The following DSTN variants were observed in gnomAD, a reference collection of about 807,000 sequenced individuals.
The protein encoded by DSTN is destrin, actin depolymerizing factor.
Under a neutral mutation model 16.8 loss-of-function variants are expected in DSTN, and 10 were observed. The observed-to-expected ratio is 0.60, with a 90% confidence interval of 0.37 to 1.01. DSTN has a LOEUF of 1.01. Ranked by LOEUF, DSTN falls within the 50% of genes least tolerant of loss-of-function variation. The probability of loss-of-function intolerance (pLI) is 0.01; values close to 1 mark genes in which losing one functional copy is unlikely to be tolerated. For synonymous variants in DSTN, 57 were observed against 58.9 expected, an observed-to-expected ratio of 0.97 and a Z score of 0.14; for missense variants, 141 against 196.7, an observed-to-expected ratio of 0.72 and a Z score of 1.69.
At chr20:17,580,016 T>C (rs2122169015) in intron 1 of DSTN, among the ~76,000 whole-genome samples, 1 of 152,374 alleles carries the variant, frequency 6.6e-6, no homozygotes, top group African/African-American at 2.4e-5. Context: ...CTTTATATTC[T>C]GATGACACCA....
intron 1 of DSTN, among the ~76,000 whole-genome samples, chr20:17,589,189 A>G (rs2035444025): frequency 6.6e-6 from 1 of 151,040 alleles, no homozygotes; most frequent in South Asian, 2.1e-4. Flanking sequence ...GGAGATGTAT[A>G]TATTCAACCC....
chr20:17,606,065 A>G (rs2035639622), intron 3 of DSTN, among the ~76,000 whole-genome samples: 1 of 151,982 alleles, frequency 6.6e-6, no homozygotes, highest in South Asian at 2.1e-4. Flanking sequence ...CTGAGATCGC[A>G]CCATTGCACT....
chr20:17,582,451 C>T (rs376709268), intron 1 of DSTN, among the ~76,000 whole-genome samples: 1 of 152,044 alleles, frequency 6.6e-6, no homozygotes, highest in East Asian at 1.9e-4. Context: ...AGATTTTATA[C>T]GTATTATGAT....
Position 17,600,271 on chromosome 20 carries a change from A to G in DSTN, c.4-467A>G, listed in dbSNP as rs138920911. 1.2e-3 allele frequency among the ~76,000 whole-genome samples: 184 copies of G among 152,326 alleles called. 1 individual carries two copies. The highest frequency in any genetic ancestry group is 4.2e-3 in the African/African-American group (176 of 41,572). ...ATGTGAGTAGAGCAAAGACCTCTTA[A>G]TAAATCTTTTTTTTTATTAGAGAAA... On this transcript the variant is annotated intron_variant, in intron 1 of 3. Transcript: ENST00000246069.
At chr20:17,576,161 G>C (rs1266642719) in intron 1 of DSTN, 2 of 152,212 alleles carry the variant, frequency 1.3e-5, no homozygotes, top group Admixed American at 6.5e-5. Context: ...CCCCCATTGA[G>C]TTGAATATTT....
chr20:17,588,947 T>G (rs1227228868), intron 1 of DSTN, among the ~76,000 whole-genome samples: 1 of 152,104 alleles, frequency 6.6e-6, no homozygotes, highest in Admixed American at 6.6e-5. Context: ...ATCCTCTGAC[T>G]ACTCCAGAAC....
chr20:17,605,121 C>T (rs2035628073), intron 3 of DSTN: 1 of 456,246 alleles, frequency 2.2e-6, no homozygotes, highest in Admixed American at 2.3e-5. Context: ...AAAGTGCACC[C>T]ACTCCTGAGC....
chr20:17,581,304 G>A (rs1208334493), intron 1 of DSTN, among the ~76,000 whole-genome samples: 1 of 152,082 alleles, frequency 6.6e-6, no homozygotes, highest in Non-Finnish European at 1.5e-5. Context: ...AACATAGAGA[G>A]AACCCGTCTC....
At chr20:17,606,056 T>A (rs1267306703) in intron 3 of DSTN, among the ~76,000 whole-genome samples, 1 of 151,406 alleles carries the variant, frequency 6.6e-6, no homozygotes, top group Non-Finnish European at 1.5e-5. Context: ...TGCAGTGAGC[T>A]GAGATCGCAC....
chr20:17,595,576 G>GC (rs2035517602), intron 1 of DSTN, among the ~76,000 whole-genome samples: 1 of 151,786 alleles, frequency 6.6e-6, no homozygotes, highest in Non-Finnish European at 1.5e-5. Flanking sequence ...CCGAGATGGT[G>GC]CCATTGCACT....
chr20:17,578,252 C>T (rs1461796327), intron 1 of DSTN, among the ~76,000 whole-genome samples: 1 of 152,208 alleles, frequency 6.6e-6, no homozygotes, highest in Non-Finnish European at 1.5e-5. Context: ...ATACCACTCT[C>T]ATAGTAGGCC....
chr20:17,606,440 GCTGTTTA>G (rs879452238), intron 3 of DSTN, among the ~76,000 whole-genome samples: 1 of 152,194 alleles, frequency 6.6e-6, no homozygotes, highest in Non-Finnish European at 1.5e-5. Flanking sequence ...TGAAGAGCCA[GCTGTTTA>G]CTTTTCAATA....
rs1244778562 is a variant in DSTN, at chr20:17,600,748, T to C, written c.14T>C (p.Val5Ala). 3 of 1,607,932 alleles carry C rather than the reference T, an allele frequency of 1.9e-6. No homozygotes were observed. The African/African-American group carries it at 4.0e-5, about 22-fold the overall frequency. Residue 5 changes from valine (V) to alanine (A), a missense_variant, in exon 2 of 4, where the codon GTG (valine) becomes GCG (alanine). Val to Ala is a moderately conservative substitution (Grantham distance 64). Coordinates refer to ENST00000246069, the MANE Select transcript of DSTN (RefSeq NM_006870.4). Reference sequence around the variant, plus strand: ...ATTTTCTCATCATAGGCCTCAGGAGTGCAAGTAGCTGATGAAGTATGTCGC... The same window carrying C: ...ATTTTCTCATCATAGGCCTCAGGAGCGCAAGTAGCTGATGAAGTATGTCGC... MASG[V>A]QVADEVCRIF... is the part of the protein sequence containing the mutation.
intron 1 of DSTN, among the ~76,000 whole-genome samples, chr20:17,571,457 G>T (rs968832196): frequency 1.3e-5 from 2 of 152,224 alleles, no homozygotes; most frequent in Admixed American, 6.5e-5. Flanking sequence ...ATGTAATAGG[G>T]ATTTGATACT....
At chr20:17,584,483 C>G (rs1230606086) in intron 1 of DSTN, among the ~76,000 whole-genome samples, 2 of 152,022 alleles carry the variant, frequency 1.3e-5, no homozygotes, top group Non-Finnish European at 2.9e-5. Context: ...AACCCCATCT[C>G]TACTAAAAAT....
At chr20:17,604,663 G>C in intron 3 of DSTN, 32 bp downstream of exon 3, 1 of 1,590,872 alleles carries the variant, frequency 6.3e-7, no homozygotes, top group Non-Finnish European at 8.5e-7. Flanking sequence ...AATATGTAGA[G>C]GTATGGTGAA....
At position 17,608,769 on chromosome 20, in the gene DSTN, G is replaced by A. The variant is rs752615596; in HGVS notation, c.*1623G>A. The stretch of plus-strand genomic sequence containing the variant: ...TTAAAATTTAGAAAATAGAGAAAAG[G>A]GAAATTATACATTGTCCTACCACAT... On this transcript the variant is annotated 3_prime_UTR_variant, in exon 4 of 4. Transcript: ENST00000246069. 6 of 151,984 alleles carry A rather than the reference G, an allele frequency of 3.9e-5. No homozygotes were observed. The highest frequency in any genetic ancestry group is 7.4e-5 in the Non-Finnish European group (5 of 68,008). The allele number at this position is 151,984 out of a possible 1,614,324, so 9.4% of individuals were successfully genotyped here. A position where few individuals can be genotyped will look rare whatever the true frequency, so the allele number is the denominator to read the frequency against.
chr20:17,580,748 CA>C (rs201810572), intron 1 of DSTN, among the ~76,000 whole-genome samples: 9,787 of 109,942 alleles, frequency 0.089, 430 homozygotes, highest in African/African-American at 0.17. Context: ...AACTCCGTCT[CA>C]AAAAAAAAAA....
intron 2 of DSTN, among the ~76,000 whole-genome samples, chr20:17,603,294 C>T (rs1208835480): frequency 2.0e-5 from 3 of 152,066 alleles, no homozygotes; most frequent in African/African-American, 4.8e-5. Flanking sequence ...TTAGCTATAC[C>T]GTAATATCTT....
Sources: allele counts gnomAD v4.1 joint callset (sites outside exome capture counted in the v4.1 genomes callset), GRCh38; gene constraint gnomAD v4.1.1; transcripts MANE v1.5; gene names NCBI Gene and HGNC (gene_info 2026-07-23, HGNC 2026-07-21).